The following GNA12 variants were observed in gnomAD, a reference collection of about 807,000 sequenced individuals.
GNA12 encodes the protein guanine nucleotide-binding protein subunit alpha-12.
GNA12 carries 9 observed loss-of-function variants against 26.0 expected under a neutral mutation model. The observed-to-expected ratio is 0.35, with a 90% CI of 0.21 to 0.60. GNA12 has a LOEUF of 0.60. GNA12 is among the 20% of genes least tolerant of loss of function. The probability of loss-of-function intolerance (pLI) is 0.78; values close to 1 mark genes in which losing one functional copy is unlikely to be tolerated. For missense variants in GNA12, 405 were observed against 525.8 expected, an observed-to-expected ratio of 0.77 and a Z score of 2.25; for synonymous variants, 264 against 219.6, an observed-to-expected ratio of 1.20 and a Z score of -1.79.
chr7:2,815,946 T>G (rs1408659404), intron 1 of GNA12, among the ~76,000 whole-genome samples: 1 of 152,228 alleles, frequency 6.6e-6, no homozygotes. Context: ...GCTGAGACTT[T>G]CCATGAGAAG....
intron 2 of GNA12, among the ~76,000 whole-genome samples, chr7:2,769,782 C>G (rs1194880082): frequency 6.6e-6 from 1 of 152,062 alleles, no homozygotes; most frequent in Admixed American, 6.6e-5. Context: ...TGGCCAAATT[C>G]TCTCCCAAAA....
At chr7:2,764,971 G>A (rs891931856) in intron 2 of GNA12, 9 of 152,226 alleles carry the variant, frequency 5.9e-5, no homozygotes, top group African/African-American at 2.2e-4. Flanking sequence ...CGGTGGAAAA[G>A]TAATAAGCAG....
In GNA12 at chr7:2,758,314, A is replaced by G. The variant is rs182523523; in HGVS notation, c.526-24813T>C. ...ACAAGGCTCTGCAAACACTTATCTC[A>G]TTCGCCATCCAAGTGATGACATCCT... On this transcript the variant is annotated intron_variant, in intron 2 of 3. Transcript: ENST00000275364. 2.5e-3 allele frequency among the ~76,000 whole-genome samples: 375 copies of G among 152,256 alleles called. 4 individuals carry two copies. The Middle Eastern group carries it at 0.034, about 14-fold the overall frequency.
chr7:2,766,141 C>T (rs1479839909), intron 2 of GNA12, among the ~76,000 whole-genome samples: 1 of 152,156 alleles, frequency 6.6e-6, no homozygotes, highest in Non-Finnish European at 1.5e-5. Flanking sequence ...CTGCCCAGCC[C>T]CTGGTAACCA....
intron 2 of GNA12, among the ~76,000 whole-genome samples, chr7:2,753,191 G>A (rs1583238566): frequency 1.3e-5 from 2 of 151,772 alleles, no homozygotes; most frequent in South Asian, 4.2e-4. Flanking sequence ...GTCTTACTGT[G>A]TTGCCCAGGA....
chr7:2,840,270 A>T (rs888417400), intron 1 of GNA12, among the ~76,000 whole-genome samples: 21 of 152,348 alleles, frequency 1.4e-4, no homozygotes, highest in African/African-American at 4.3e-4. Flanking sequence ...TTTAATTTTT[A>T]AAAAAGGCAT....
At position 2,780,048 on chromosome 7, in the gene GNA12, G is replaced by GTGTATATATATATA. The variant is rs748113158; in HGVS notation, c.525+14879_525+14880insTATATATATATACA. 7.3e-3 allele frequency among the ~76,000 whole-genome samples: 615 copies of GTGTATATATATATA among 84,576 alleles called. 45 individuals are homozygous for GTGTATATATATATA. The highest frequency in any genetic ancestry group is 0.037 in the Middle Eastern group (5 of 134). The allele number at this position is 84,576 out of a possible 152,430, so 55.5% of individuals were successfully genotyped here. ...GTACTAGTTTTTTACACATTTCTGTGTACATATATATATATATATATATAT... is the reference window on the plus strand; with the variant it reads ...GTACTAGTTTTTTACACATTTCTGTGTGTATATATATATATACATATATATATATATATATATAT... On this transcript the variant is annotated intron_variant, in intron 2 of 3. Transcript: ENST00000275364.
intron 2 of GNA12, among the ~76,000 whole-genome samples, chr7:2,739,374 A>G (rs1790381414): frequency 6.6e-6 from 1 of 152,122 alleles, no homozygotes; most frequent in South Asian, 2.1e-4. Flanking sequence ...GAGCGCATTC[A>G]CACAGCATGC....
At chr7:2,820,574 GA>G (rs548780702) in intron 1 of GNA12, among the ~76,000 whole-genome samples, 42 of 152,068 alleles carry the variant, frequency 2.8e-4, no homozygotes, top group African/African-American at 9.4e-4. Context: ...AATTGAAAAA[GA>G]AAGTCCCAAG....
In GNA12 at chr7:2,819,575, AT is replaced by A. The variant is rs1446733461; in HGVS notation, c.309+24277del. ...CCCCTTAAGAAATTCCCTAGTCTGC[AT>A]AAAAGACAAATAATCCAAATTAAAA... On this transcript the variant is annotated intron_variant, in intron 1 of 3. Coordinates refer to ENST00000275364, the MANE Select transcript of GNA12 (RefSeq NM_007353.3). 2.0e-5 allele frequency among the ~76,000 whole-genome samples: 3 copies of A among 152,252 alleles called. No homozygotes were observed. In the East Asian group the frequency reaches 5.8e-4, roughly 29 times the overall value.
chr7:2,747,088 G>T (rs1239780486), intron 2 of GNA12, among the ~76,000 whole-genome samples: 1 of 152,258 alleles, frequency 6.6e-6, no homozygotes, highest in Non-Finnish European at 1.5e-5. Context: ...TTCTACCAGA[G>T]GTACAAGGAG....
intron 1 of GNA12, among the ~76,000 whole-genome samples, chr7:2,834,188 A>C (rs1778763331): frequency 6.6e-6 from 1 of 152,242 alleles, no homozygotes. Flanking sequence ...CTGATTCTTT[A>C]GTATCTCTAT....
rs924965749 is a variant in GNA12, at chr7:2,768,666, T to TAA, written c.525+26260_525+26261dup. 1.3e-3 allele frequency among the ~76,000 whole-genome samples: 120 copies of TAA among 91,740 alleles called. 2 individuals carry two copies. The highest frequency in any genetic ancestry group is 3.3e-3 in the African/African-American group (94 of 28,074). The allele number at this position is 91,740 out of a possible 152,430, so 60.2% of individuals were successfully genotyped here. ...GTAACAGGTGAATATGCTCTCAAGGTAAAAAAAAAACAAAACAAAACAAAA... is the reference window on the plus strand; with the variant it reads ...GTAACAGGTGAATATGCTCTCAAGGTAAAAAAAAAAAACAAAACAAAACAAAA... On this transcript the variant is annotated intron_variant, in intron 2 of 3. Transcript: ENST00000275364.
At chr7:2,787,925 A>T (rs1202567157) in intron 2 of GNA12, among the ~76,000 whole-genome samples, 1 of 152,174 alleles carries the variant, frequency 6.6e-6, no homozygotes, top group Non-Finnish European at 1.5e-5. Flanking sequence ...AAGCCAAGGC[A>T]GGAGGATCAC....
At chr7:2,763,942 AC>A (rs1440935806) in intron 2 of GNA12, among the ~76,000 whole-genome samples, 2 of 152,128 alleles carry the variant, frequency 1.3e-5, no homozygotes, top group African/African-American at 2.4e-5. Context: ...CCAATTATGC[AC>A]CCTTCTTTCC....
intron 2 of GNA12, among the ~76,000 whole-genome samples, chr7:2,745,515 G>A (rs1790723211): frequency 6.6e-6 from 1 of 152,184 alleles, no homozygotes; most frequent in South Asian, 2.1e-4. Context: ...AACTCCTGAA[G>A]GAAGTGCTAA....
chr7:2,799,477 G>A (rs1489279631), intron 1 of GNA12, among the ~76,000 whole-genome samples: 1 of 152,140 alleles, frequency 6.6e-6, no homozygotes, highest in Non-Finnish European at 1.5e-5. Flanking sequence ...AGCTACTCAG[G>A]AGGCTGAGGC....
chr7:2,773,285 T>C (rs1222189541), intron 2 of GNA12, among the ~76,000 whole-genome samples: 1 of 152,110 alleles, frequency 6.6e-6, no homozygotes, highest in Admixed American at 6.5e-5. Context: ...TAAACAAGGC[T>C]GGGGGCGGTG....
At chr7:2,787,663 T>C (rs1019022745) in intron 2 of GNA12, among the ~76,000 whole-genome samples, 5 of 152,228 alleles carry the variant, frequency 3.3e-5, no homozygotes, top group African/African-American at 1.2e-4. Flanking sequence ...CCGCTTCCGT[T>C]GTGGGTCCAC....
Sources: allele counts gnomAD v4.1 joint callset (sites outside exome capture counted in the v4.1 genomes callset), GRCh38; gene constraint gnomAD v4.1.1; transcripts MANE v1.5; gene names NCBI Gene and HGNC (gene_info 2026-07-23, HGNC 2026-07-21).